The following CAPN14 variants were observed in gnomAD, a reference collection of about 807,000 sequenced individuals.
The protein encoded by CAPN14 is calpain-14.
A neutral mutation model predicts 101.3 loss-of-function variants in CAPN14; 94 were observed. The observed-to-expected ratio is 0.93, with a 90% CI of 0.79 to 1.10. The LOEUF is 1.10. CAPN14 is among the 50% of genes least tolerant of loss of function. The probability of loss-of-function intolerance (pLI) is 0.00; values close to 1 mark genes in which losing one functional copy is unlikely to be tolerated. For synonymous variants in CAPN14, 338 were observed against 317.9 expected (o/e 1.06, Z -0.67); for missense variants, 837 against 828.4 (o/e 1.01, Z -0.13).
At chr2:31,225,153 G>C (rs1272742018) in intron 2 of CAPN14, among the ~76,000 whole-genome samples, 1 of 151,402 alleles carries the variant, frequency 6.6e-6, no homozygotes, top group Non-Finnish European at 1.5e-5. Context: ...GAAAAATAAG[G>C]GAAAAAATAG....
chr2:31,218,373 C>G (rs1682746946), upstream of CAPN14, among the ~76,000 whole-genome samples: 1 of 152,000 alleles, frequency 6.6e-6, no homozygotes, highest in Admixed American at 6.6e-5. Flanking sequence ...TGCCTAGTAC[C>G]CAGGAGGTGC....
intron 1 of CAPN14, among the ~76,000 whole-genome samples, chr2:31,228,878 C>T (rs1187691116): frequency 6.6e-6 from 1 of 152,194 alleles, no homozygotes; most frequent in Non-Finnish European, 1.5e-5. Flanking sequence ...ACTCCATCTA[C>T]TGCAGGTTGT....
chr2:31,225,632 A>T (rs532871841), intron 2 of CAPN14, among the ~76,000 whole-genome samples: 43 of 152,246 alleles, frequency 2.8e-4, no homozygotes, highest in African/African-American at 1.0e-3. Flanking sequence ...TTTGCAAATG[A>T]CTTATCTGTC....
Position 31,223,101 on chromosome 2 carries a change from T to A in CAPN14, c.-53+3427A>T, listed in dbSNP as rs1266944544. Among the ~76,000 whole-genome samples, 4 of 152,128 alleles carry A rather than the reference T, an allele frequency of 2.6e-5. No homozygotes were observed. The East Asian group carries it at 5.8e-4, about 22-fold the overall frequency. On this transcript the variant is annotated intron_variant and NMD_transcript_variant, in intron 2 of 21. Coordinates refer to the CAPN14 transcript ENST00000398824. ...TTCCAACCTCCAGAGCAGCCAGAAA[T>A]AAATGTCTATTGTTTATAAGCCACC... is the stretch of plus-strand genomic sequence containing the variant.
intron 17 of CAPN14, 81 bp downstream of exon 17, chr2:31,180,855 G>A: frequency 8.3e-7 from 1 of 1,210,262 alleles, no homozygotes; most frequent in Admixed American, 2.1e-5. Flanking sequence ...ATTGGGGTTG[G>A]GATTCAAATA....
intron 10 of CAPN14, 123 bp downstream of exon 10, chr2:31,193,008 G>T: frequency 2.0e-6 from 2 of 988,978 alleles, no homozygotes; most frequent in Non-Finnish European, 3.0e-6. Context: ...ACACAGTGAG[G>T]CAAGCAGAGC....
intron 1 of CAPN14, among the ~76,000 whole-genome samples, chr2:31,227,977 G>T (rs1001923490): frequency 2.6e-5 from 4 of 152,204 alleles, no homozygotes; most frequent in Non-Finnish European, 5.9e-5. Flanking sequence ...GAGCCTTAAG[G>T]TATGAGTGGG....
chr2:31,226,325 T>C (rs905391562), intron 2 of CAPN14, among the ~76,000 whole-genome samples: 3 of 152,202 alleles, frequency 2.0e-5, no homozygotes, highest in African/African-American at 7.2e-5. Flanking sequence ...GACTTATCTG[T>C]TATAACATAT....
intron 7 of CAPN14, among the ~76,000 whole-genome samples, chr2:31,197,976 C>T (rs1329086697): frequency 6.7e-6 from 1 of 150,020 alleles, no homozygotes; most frequent in Non-Finnish European, 1.5e-5. Flanking sequence ...TTCAAGCTCC[C>T]CTGCCCCCAA....
chr2:31,203,247 A>G, intron 2 of CAPN14, 108 bp from the exon 3 acceptor site: 1 of 786,500 alleles, frequency 1.3e-6, no homozygotes, highest in Non-Finnish European at 2.2e-6. Context: ...GGGGACAAAG[A>G]TACAGAATAT....
At chr2:31,202,769 G>T (rs1433277364) in intron 3 of CAPN14, among the ~76,000 whole-genome samples, 1 of 152,096 alleles carries the variant, frequency 6.6e-6, no homozygotes, top group Non-Finnish European at 1.5e-5. Context: ...ACCCATTGTG[G>T]GAACTAAAAT....
chr2:31,180,589 T>A (rs1263516816), intron 17 of CAPN14, among the ~76,000 whole-genome samples: 1 of 152,162 alleles, frequency 6.6e-6, no homozygotes, highest in East Asian at 1.9e-4. Context: ...CTTGTAAACC[T>A]GGAGAGCTGT....
At chr2:31,190,754 A>T (rs1475267712) in intron 12 of CAPN14, among the ~76,000 whole-genome samples, 1 of 152,246 alleles carries the variant, frequency 6.6e-6, no homozygotes, top group Admixed American at 6.5e-5. Context: ...TGGTTTCTCT[A>T]CAATAATCCT....
intron 1 of CAPN14, among the ~76,000 whole-genome samples, chr2:31,211,258 G>GAGGA (rs1451296089): frequency 6.6e-6 from 1 of 150,658 alleles, no homozygotes; most frequent in African/African-American, 2.4e-5. Flanking sequence ...GAGAGGGAGG[G>GAGGA]AGGAAGGAAG....
At chr2:31,231,470 G>A (rs563202186) in intron 1 of CAPN14, among the ~76,000 whole-genome samples, 24 of 152,150 alleles carry the variant, frequency 1.6e-4, no homozygotes, top group African/African-American at 4.3e-4. Flanking sequence ...AGATTTATCC[G>A]TAAGTTTTTG....
chr2:31,176,617 A>G lies in CAPN14; in HGVS notation c.1998T>C (p.Asp666=). 1 of 1,551,722 alleles carries G rather than the reference A, an allele frequency of 6.4e-7. No homozygotes were observed. The highest frequency in any genetic ancestry group is 1.2e-5 in the South Asian group (1 of 84,060). The change falls in exon 21 of 22, where the codon GAT becomes GAC. Residue 666 remains aspartate (D), a synonymous_variant. Transcript: ENST00000403897. The stretch of plus-strand genomic sequence containing the variant: ...GCTTCTGGAGGTATATCCCTTTGCC[A>G]TCTTGGGTTAAGTTTTGGAAGACAT... ...MEDVFQNLTQ[D]GKGIYLQKPE...
chr2:31,201,093 ATG>A lies in CAPN14; in HGVS notation c.552-470_552-469del, dbSNP rs1451506555. On this transcript the variant is annotated intron_variant, in intron 5 of 21. Coordinates refer to ENST00000403897, the MANE Select transcript of CAPN14 (RefSeq NM_001145122.2). ...CCCTGACCTCCACATGCATGTGTGC[ATG>A]TGTGTGTGTGCATGTGCGTGTGTGT... 1.1e-4 allele frequency among the ~76,000 whole-genome samples: 16 copies of A among 148,150 alleles called. 1 individual carries two copies. The highest frequency in any genetic ancestry group is 3.4e-4 in the Admixed American group (5 of 14,698).
intron 1 of CAPN14, among the ~76,000 whole-genome samples, chr2:31,210,435 G>A (rs960943889): frequency 3.5e-5 from 5 of 142,410 alleles, no homozygotes; most frequent in Admixed American, 6.9e-5. Flanking sequence ...GCGACAGAGC[G>A]TGTCTCCATC....
intron 8 of CAPN14, among the ~76,000 whole-genome samples, chr2:31,195,383 C>G (rs1395257351): frequency 6.6e-6 from 1 of 152,198 alleles, no homozygotes; most frequent in Non-Finnish European, 1.5e-5. Context: ...GCCACGTACG[C>G]TGGAGTGCAG....
Sources: gnomAD v4.1 joint callset for allele counts (sites outside exome capture counted in the v4.1 genomes callset) on GRCh38, gnomAD v4.1.1 for gene constraint, MANE v1.5 for transcripts, NCBI Gene and HGNC (gene_info 2026-07-23, HGNC 2026-07-21) for gene names.